The following FSTL4 variants were observed in gnomAD, a reference collection of about 807,000 sequenced individuals.
FSTL4 encodes the protein follistatin like 4, also known as follistatin-related protein 4.
Under a neutral mutation model 78.2 loss-of-function variants are expected in FSTL4, and 28 were observed. That is an observed-to-expected ratio of 0.36 (90% CI 0.27 to 0.49). The LOEUF (loss-of-function observed/expected upper bound fraction) is 0.49, where lower values mean the gene tolerates loss of function less well. FSTL4 is among the 20% of genes least tolerant of loss of function. The pLI, the probability that FSTL4 is intolerant of heterozygous loss-of-function variation, is 0.98. For synonymous variants in FSTL4, 422 were observed against 440.5 expected (o/e 0.96, Z 0.53); for missense variants, 922 against 1,084.9 (o/e 0.85, Z 2.11).
intron 6 of FSTL4, among the ~76,000 whole-genome samples, chr5:133,274,806 C>T (rs1752844822): frequency 6.6e-6 from 1 of 152,184 alleles, no homozygotes; most frequent in Admixed American, 6.5e-5. Context: ...GAAAACATCA[C>T]AAAGAATCTG....
At chr5:133,321,763 T>C (rs1281906159) in intron 4 of FSTL4, among the ~76,000 whole-genome samples, 1 of 152,312 alleles carries the variant, frequency 6.6e-6, no homozygotes, top group East Asian at 1.9e-4. Flanking sequence ...AACTTCAGCA[T>C]TGATTAATCC....
the FSTL4 span, among the ~76,000 whole-genome samples, chr5:133,699,173 C>A: frequency 6.6e-6 from 1 of 152,034 alleles, no homozygotes; most frequent in Non-Finnish European, 1.5e-5. Flanking sequence ...AAGGAAGGTG[C>A]CCTCACCATG....
At chr5:133,781,026 G>T in the FSTL4 span, among the ~76,000 whole-genome samples, 1 of 152,314 alleles carries the variant, frequency 6.6e-6, no homozygotes, top group African/African-American at 2.4e-5. Context: ...CCCAGGTGCC[G>T]CCATGAGTGA....
chr5:133,502,897 A>G (rs1379883731), intron 3 of FSTL4, among the ~76,000 whole-genome samples: 4 of 152,192 alleles, frequency 2.6e-5, no homozygotes, highest in Non-Finnish European at 5.9e-5. Context: ...ACAGCACTGA[A>G]TTCTTTCGAT....
At chr5:133,591,796 T>C (rs1043841790) in intron 2 of FSTL4, among the ~76,000 whole-genome samples, 1 of 152,198 alleles carries the variant, frequency 6.6e-6, no homozygotes, top group East Asian at 1.9e-4. Flanking sequence ...AGGGAGACAG[T>C]GTGGCTCAGA....
chr5:133,439,082 C>T (rs1757095193), intron 3 of FSTL4, among the ~76,000 whole-genome samples: 1 of 152,118 alleles, frequency 6.6e-6, no homozygotes, highest in Non-Finnish European at 1.5e-5. Flanking sequence ...AGAGAAATGG[C>T]CAAGTGTGTT....
At chr5:133,759,068 C>G in the FSTL4 span, among the ~76,000 whole-genome samples, 135,263 of 152,272 alleles carry the variant, frequency 0.89, 60,296 homozygotes, top group African/African-American at 0.97. Context: ...TCACATTCAA[C>G]GGGATGGGAA....
At chr5:133,385,383 G>A (rs1045781386) in intron 4 of FSTL4, among the ~76,000 whole-genome samples, 7 of 152,222 alleles carry the variant, frequency 4.6e-5, no homozygotes, top group African/African-American at 1.2e-4. Context: ...GCAGGATGAG[G>A]TTTAGAGCAC....
At chr5:133,743,018 T>C in the FSTL4 span, among the ~76,000 whole-genome samples, 1 of 152,238 alleles carries the variant, frequency 6.6e-6, no homozygotes, top group Non-Finnish European at 1.5e-5. Flanking sequence ...AATATTTCTT[T>C]CATTTAGGGG....
intron 3 of FSTL4, among the ~76,000 whole-genome samples, chr5:133,559,837 T>C (rs1479589074): frequency 2.0e-5 from 3 of 152,148 alleles, no homozygotes; most frequent in Non-Finnish European, 4.4e-5. Context: ...GGATGGTAGT[T>C]AAGGAAAGTG....
At chr5:133,698,935 C>A in the FSTL4 span, among the ~76,000 whole-genome samples, 3 of 152,230 alleles carry the variant, frequency 2.0e-5, no homozygotes, top group Non-Finnish European at 4.4e-5. Context: ...TTCAGAGAAG[C>A]AAATTTATTC....
chr5:133,635,414 C>A, the FSTL4 span, among the ~76,000 whole-genome samples: 7 of 152,326 alleles, frequency 4.6e-5, no homozygotes, highest in Admixed American at 1.3e-4. Flanking sequence ...ACAGCTACAT[C>A]CCTGATATAT....
intron 3 of FSTL4, among the ~76,000 whole-genome samples, chr5:133,483,358 G>A (rs1365215656): frequency 6.6e-6 from 1 of 152,236 alleles, no homozygotes; most frequent in Non-Finnish European, 1.5e-5. Context: ...GCATGTGACA[G>A]AAGGCCGGCC....
chr5:133,201,710 G>A (rs1433646798), intron 15 of FSTL4, among the ~76,000 whole-genome samples: 1 of 152,228 alleles, frequency 6.6e-6, no homozygotes, highest in South Asian at 2.1e-4. Context: ...GGCATTAGGA[G>A]CTGGGTGCCT....
chr5:133,647,838 T>C, the FSTL4 span, among the ~76,000 whole-genome samples: 4 of 152,218 alleles, frequency 2.6e-5, no homozygotes, highest in African/African-American at 9.6e-5. Flanking sequence ...GGAAGTGATA[T>C]GGTTTGGCTG....
intron 6 of FSTL4, among the ~76,000 whole-genome samples, chr5:133,273,973 T>A (rs1752823849): frequency 6.6e-6 from 1 of 152,208 alleles, no homozygotes; most frequent in Non-Finnish European, 1.5e-5. Flanking sequence ...GCCTGCTGCA[T>A]CCCACAAGGA....
intron 3 of FSTL4, among the ~76,000 whole-genome samples, chr5:133,443,755 A>G (rs1186879029): frequency 6.6e-6 from 1 of 152,128 alleles, no homozygotes; most frequent in Non-Finnish European, 1.5e-5. Flanking sequence ...GCCTCATAGG[A>G]GGCCCCATCC....
the FSTL4 span, among the ~76,000 whole-genome samples, chr5:133,723,596 C>T: frequency 2.6e-5 from 4 of 152,122 alleles, no homozygotes; most frequent in East Asian, 5.8e-4. Flanking sequence ...GGTGGCGTGC[C>T]TCAGCAGCTC....
Position 133,558,999 on chromosome 5 carries a change from TA to T in FSTL4, c.160+8186del, listed in dbSNP as rs200057638. On this transcript the variant is annotated intron_variant, in intron 3 of 15. Coordinates refer to ENST00000265342, the MANE Select transcript of FSTL4 (RefSeq NM_015082.2). ...TGAAGCAGAGAGATTAAAGATTTGT[TA>T]AAAAAACAACACAATCTTAAAATAA... 3.2e-3 allele frequency among the ~76,000 whole-genome samples: 487 copies of T among 152,276 alleles called. 6 individuals carry two copies. Among genetic ancestry groups the T allele is most frequent in the Middle Eastern group, 0.014 (4 of 294 alleles).
Sources: allele counts gnomAD v4.1 joint callset (sites outside exome capture counted in the v4.1 genomes callset), GRCh38; gene constraint gnomAD v4.1.1; transcripts MANE v1.5; gene names NCBI Gene and HGNC (gene_info 2026-07-23, HGNC 2026-07-21).